Variants in SPTLC2 observed in about 807,000 individuals in gnomAD.
SPTLC2 encodes the protein serine palmitoyltransferase 2.
In SPTLC2, 21 loss-of-function variants were observed where a neutral mutation model predicts 62.0. The observed-to-expected ratio is 0.34, with a 90% confidence interval of 0.24 to 0.49. SPTLC2 has a LOEUF of 0.49. Ranked by LOEUF, SPTLC2 falls within the 20% of genes least tolerant of loss-of-function variation. SPTLC2 has a pLI of 0.99. For missense variants in SPTLC2, 511 were observed against 713.0 expected (o/e 0.72, Z 3.23); for synonymous variants, 261 against 261.8 (o/e 1.00, Z 0.03).
intron 8 of SPTLC2, among the ~76,000 whole-genome samples, chr14:77,552,769 G>A (rs572843346): frequency 6.8e-6 from 1 of 146,056 alleles, no homozygotes; most frequent in African/African-American, 2.5e-5. Flanking sequence ...TTGCGCCATT[G>A]CACTCCAGCC....
rs1315104304 is a variant in SPTLC2, at chr14:77,511,167, G to C, written c.*1117C>G. 2.6e-5 allele frequency: 4 copies of C among 152,180 alleles called. No individual in the cohort carries two copies. Among genetic ancestry groups the C allele is most frequent in the Non-Finnish European group, 5.9e-5 (4 of 68,036 alleles). 9.4% of individuals were successfully genotyped at this position (152,180 alleles called of 1,614,324 possible). ...AATAAAAGAGAACTAGCATTCAGAA[G>C]AGTAATATTTAAGTGGGTTAGCTTC... On this transcript the variant is annotated 3_prime_UTR_variant, in exon 12 of 12. Transcript: ENST00000216484.
At chr14:77,595,694 T>C (rs1448837056) in intron 2 of SPTLC2, among the ~76,000 whole-genome samples, 1 of 152,214 alleles carries the variant, frequency 6.6e-6, no homozygotes, top group Non-Finnish European at 1.5e-5. Flanking sequence ...TCTTCCCATT[T>C]GCACATGACC....
At chr14:77,606,682 T>C (rs563209909) in intron 1 of SPTLC2, among the ~76,000 whole-genome samples, 1 of 152,160 alleles carries the variant, frequency 6.6e-6, no homozygotes, top group East Asian at 1.9e-4. Flanking sequence ...AATTTCTATC[T>C]ATATGTCAAG....
chr14:77,581,450 G>A (rs994151064), intron 2 of SPTLC2, among the ~76,000 whole-genome samples: 1 of 93,922 alleles, frequency 1.1e-5, no homozygotes, highest in Non-Finnish European at 2.0e-5. Context: ...CACTCTTGTT[G>A]CCCAGGCTGG....
Position 77,512,295 on chromosome 14 carries a change from T to C in SPTLC2, c.1678A>G (p.Thr560Ala), listed in dbSNP as rs200340151. The part of the protein sequence containing the change: ...RPFDETTYEE[T>A]ED ...AGCACCAAAAAGGCTCAGTCTTCTG[T>C]TTCTTCATACGTCGTCTCGTCAAAG... Residue 560 changes from threonine (T) to alanine (A), a missense_variant, in exon 12 of 12, where the codon ACA becomes GCA. Coordinates refer to ENST00000216484, the MANE Select transcript of SPTLC2 (RefSeq NM_004863.4). The C allele has an allele frequency of 3.1e-6, 5 of 1,614,064 alleles. No homozygotes were observed. In the South Asian group the frequency reaches 3.3e-5, roughly 11 times the overall value.
chr14:77,545,357 C>T (rs922068969), intron 9 of SPTLC2, among the ~76,000 whole-genome samples: 21 of 151,962 alleles, frequency 1.4e-4, no homozygotes, highest in Non-Finnish European at 2.6e-4. Flanking sequence ...ATCTCCACCT[C>T]CCAGGTTCAA....
chr14:77,512,244 T>G lies in SPTLC2; in HGVS notation c.*40A>C, dbSNP rs576137802. ...GGCTCACAAAGGCCACAGGCTGTCCTGGGTGAGGGAGAGTTCCTCTGAGGG... is the reference window on the plus strand; with the variant it reads ...GGCTCACAAAGGCCACAGGCTGTCCGGGGTGAGGGAGAGTTCCTCTGAGGG... On this transcript the variant is annotated 3_prime_UTR_variant, in exon 12 of 12. Coordinates refer to ENST00000216484, the MANE Select transcript of SPTLC2 (RefSeq NM_004863.4). 1 of 1,612,688 alleles carries G rather than the reference T, an allele frequency of 6.2e-7. No individual in the cohort carries two copies. Among genetic ancestry groups the G allele is most frequent in the East Asian group, 2.2e-5 (1 of 44,876 alleles).
intron 8 of SPTLC2, among the ~76,000 whole-genome samples, chr14:77,554,561 T>G (rs2079572674): frequency 1.3e-5 from 2 of 152,238 alleles, no homozygotes; most frequent in Admixed American, 1.3e-4. Context: ...TGCACCCACG[T>G]TGTAGCATGG....
intron 9 of SPTLC2, among the ~76,000 whole-genome samples, chr14:77,523,109 T>C (rs559736780): frequency 3.3e-5 from 5 of 152,364 alleles, no homozygotes; most frequent in South Asian, 4.1e-4. Context: ...AAGTGTGTTA[T>C]ATTTAAGTAT....
chr14:77,612,760 G>C (rs2079944758), intron 1 of SPTLC2, among the ~76,000 whole-genome samples: 1 of 152,132 alleles, frequency 6.6e-6, no homozygotes, highest in African/African-American at 2.4e-5. Context: ...TAAGAAGCAA[G>C]ACTAACACTT....
intron 4 of SPTLC2, among the ~76,000 whole-genome samples, chr14:77,576,550 A>G (rs1171301272): frequency 6.6e-6 from 1 of 152,232 alleles, no homozygotes; most frequent in Non-Finnish European, 1.5e-5. Context: ...GGGACATTCT[A>G]TATGTATAAC....
chr14:77,591,217 G>C (rs2079814589), intron 2 of SPTLC2, among the ~76,000 whole-genome samples: 1 of 152,144 alleles, frequency 6.6e-6, no homozygotes, highest in African/African-American at 2.4e-5. Context: ...AGACACAGAA[G>C]AACATACACT....
chr14:77,602,564 T>TTC (rs537766421), intron 1 of SPTLC2, among the ~76,000 whole-genome samples: 23 of 144,052 alleles, frequency 1.6e-4, no homozygotes, highest in Admixed American at 6.2e-4. Flanking sequence ...TTTTTTTTTT[T>TTC]CTATTGACAG....
At position 77,512,143 on chromosome 14, in the gene SPTLC2, G is replaced by A; in HGVS notation, c.*141C>T. On this transcript the variant is annotated 3_prime_UTR_variant, in exon 12 of 12. Transcript: ENST00000216484. ...TACTATTTACAAAATGTCATTTAGA[G>A]TGGAGGTGGCCACCTTCAGTAGCTG... The A allele has an allele frequency of 9.0e-7, 1 of 1,109,896 alleles. No homozygotes were observed. The highest frequency in any genetic ancestry group is 1.4e-6 in the Non-Finnish European group (1 of 739,694). 68.8% of individuals were successfully genotyped at this position (1,109,896 alleles called of 1,614,324 possible). A position where few individuals can be genotyped will look rare whatever the true frequency, so the allele number is the denominator to read the frequency against.
chr14:77,514,086 G>A (rs1014492405), intron 11 of SPTLC2, among the ~76,000 whole-genome samples: 3 of 152,034 alleles, frequency 2.0e-5, no homozygotes, highest in African/African-American at 7.2e-5. Context: ...TGGAGGCTGA[G>A]GTGGGACGAT....
At chr14:77,530,096 C>T (rs79357033) in intron 9 of SPTLC2, among the ~76,000 whole-genome samples, 3,459 of 152,202 alleles carry the variant, frequency 0.023, 108 homozygotes, top group African/African-American at 0.079. Context: ...GTTAGAACAA[C>T]AGCTTAATCT....
intron 2 of SPTLC2, among the ~76,000 whole-genome samples, chr14:77,591,531 C>T (rs1408129946): frequency 1.3e-5 from 2 of 152,098 alleles, no homozygotes; most frequent in Non-Finnish European, 2.9e-5. Flanking sequence ...GCAACTAACA[C>T]AAAACAATGA....
chr14:77,598,839 G>A (rs2079862271), intron 1 of SPTLC2, among the ~76,000 whole-genome samples: 1 of 151,826 alleles, frequency 6.6e-6, no homozygotes, highest in South Asian at 2.1e-4. Flanking sequence ...CAGGAGATAG[G>A]TGGGAGGATC....
rs1232082485 is a variant in SPTLC2 at position 77,565,550 on chromosome 14, G to T, written c.757-3061C>A. Among the ~76,000 whole-genome samples, 4 of 152,088 alleles carry T rather than the reference G, an allele frequency of 2.6e-5. No individual in the cohort carries two copies. The East Asian group carries it at 7.7e-4, about 29-fold the overall frequency. On this transcript the variant is annotated intron_variant, in intron 5 of 11. Transcript: ENST00000216484. Reference sequence around the variant, plus strand: ...CTTCTGTGGTAGCTTTCTCAATAACGCACGGACTCAATCAAACCATAACAA... The same window carrying T: ...CTTCTGTGGTAGCTTTCTCAATAACTCACGGACTCAATCAAACCATAACAA...
Sources: gnomAD v4.1 joint callset for allele counts (sites outside exome capture counted in the v4.1 genomes callset) on GRCh38, gnomAD v4.1.1 for gene constraint, MANE v1.5 for transcripts, NCBI Gene and HGNC (gene_info 2026-07-23, HGNC 2026-07-21) for gene names.